The following CD86 variants were observed in gnomAD, a reference collection of about 807,000 sequenced individuals.
CD86 encodes CD86 molecule, also known as T-lymphocyte activation antigen CD86.
A neutral mutation model predicts 32.1 loss-of-function variants in CD86; 11 were observed. The observed-to-expected ratio is 0.34, with a 90% CI of 0.22 to 0.57. The LOEUF (loss-of-function observed/expected upper bound fraction) is 0.57. Among genes scored for constraint, CD86 ranks in the 20% least tolerant of loss-of-function variants. CD86 has a pLI of 0.86. For synonymous variants in CD86, 137 were observed against 135.3 expected (o/e 1.01, Z -0.09); for missense variants, 359 against 398.4 (o/e 0.90, Z 0.84).
At chr3:122,084,634 C>T (rs896944008) in intron 1 of CD86, among the ~76,000 whole-genome samples, 3 of 152,078 alleles carry the variant, frequency 2.0e-5, no homozygotes, top group Non-Finnish European at 2.9e-5. Context: ...AACAGCTATA[C>T]AGTCCTCTCC....
At position 122,091,589 on chromosome 3, in the gene CD86, T is replaced by C. The variant is rs756729117; in HGVS notation, c.15-12T>C. On this transcript the variant is annotated splice_polypyrimidine_tract_variant and intron_variant, in intron 1 of 6. Coordinates refer to ENST00000330540, the MANE Select transcript of CD86 (RefSeq NM_175862.5). The stretch of plus-strand genomic sequence containing the variant: ...TCTAATCAAGTTTTACCTTTTTTTT[T>C]CTCGACTCTAGCACTATGGGACTGA... 1.5e-5 allele frequency: 23 copies of C among 1,519,814 alleles called. 1 individual carries two copies. The African/African-American group carries it at 1.6e-4, about 11-fold the overall frequency. The allele number at this position is 1,519,814 out of a possible 1,614,324, so 94.1% of individuals were successfully genotyped here.
In CD86 at chr3:122,067,060, C is replaced by A. The variant is rs1480715128; in HGVS notation, c.14+11557C>A. 2.6e-5 allele frequency among the ~76,000 whole-genome samples: 4 copies of A among 151,954 alleles called. No homozygotes were observed. In the East Asian group the frequency reaches 5.8e-4, roughly 22 times the overall value. ...AGAAGGCAAAACGTTTTCAAAGGTT[C>A]TAGGGGTGGGGGATGGTGGGGAAGA... On this transcript the variant is annotated intron_variant, in intron 1 of 6. Coordinates refer to ENST00000330540, the MANE Select transcript of CD86 (RefSeq NM_175862.5).
At chr3:122,087,536 G>A (rs577254484) in intron 1 of CD86, among the ~76,000 whole-genome samples, 1 of 152,272 alleles carries the variant, frequency 6.6e-6, no homozygotes, top group South Asian at 2.1e-4. Context: ...CTAGAATGGA[G>A]AGAAATTCTT....
intron 3 of CD86, among the ~76,000 whole-genome samples, chr3:122,105,583 C>T (rs1429833445): frequency 6.6e-6 from 1 of 152,156 alleles, no homozygotes; most frequent in Non-Finnish European, 1.5e-5. Context: ...TTATTAAGAT[C>T]ATGTATTTTT....
At chr3:122,081,437 G>A (rs746886604) in intron 1 of CD86, among the ~76,000 whole-genome samples, 6 of 152,152 alleles carry the variant, frequency 3.9e-5, no homozygotes, top group East Asian at 1.9e-4. Context: ...TGGTTCTTTC[G>A]GAAGCATCAG....
intron 1 of CD86, among the ~76,000 whole-genome samples, chr3:122,056,438 G>C (rs1291644105): frequency 6.6e-6 from 1 of 152,154 alleles, no homozygotes; most frequent in African/African-American, 2.4e-5. Flanking sequence ...GGATTCAAAC[G>C]ATTCTCCTTC....
chr3:122,067,070 G>T (rs1261140540), intron 1 of CD86, among the ~76,000 whole-genome samples: 1 of 152,116 alleles, frequency 6.6e-6, no homozygotes, highest in Non-Finnish European at 1.5e-5. Flanking sequence ...CTAGGGGTGG[G>T]GGATGGTGGG....
At chr3:122,089,929 T>G (rs1240419693) in intron 1 of CD86, among the ~76,000 whole-genome samples, 2 of 152,212 alleles carry the variant, frequency 1.3e-5, no homozygotes, top group Admixed American at 1.3e-4. Flanking sequence ...AAACCGTACA[T>G]AGTATGCTAC....
intron 1 of CD86, among the ~76,000 whole-genome samples, chr3:122,066,279 C>T (rs1443710469): frequency 1.3e-5 from 2 of 152,086 alleles, no homozygotes; most frequent in Non-Finnish European, 2.9e-5. Flanking sequence ...TTTCCACATT[C>T]TGAGGGTAAG....
chr3:122,106,531 A>G (rs375075523), intron 4 of CD86, 31 bp downstream of exon 4: 9 of 1,551,260 alleles, frequency 5.8e-6, no homozygotes, highest in Non-Finnish European at 7.0e-6. Flanking sequence ...TATTTCTTTC[A>G]GCAGGTATTA....
chr3:122,078,107 T>C (rs1292728978), intron 1 of CD86: 8 of 956,964 alleles, frequency 8.4e-6, no homozygotes, highest in Non-Finnish European at 9.9e-6. Context: ...AAGCTGCATC[T>C]GGGGCAGAAA....
At position 122,119,683 on chromosome 3, in the gene CD86, T is replaced by A; in HGVS notation, c.*149T>A. 1 of 607,560 alleles carries A rather than the reference T, an allele frequency of 1.6e-6. No homozygotes were observed. The highest frequency in any genetic ancestry group is 2.9e-6 in the Non-Finnish European group (1 of 339,202). The allele number at this position is 607,560 out of a possible 1,614,324, so 37.6% of individuals were successfully genotyped here. A position where few individuals can be genotyped will look rare whatever the true frequency, so the allele number is the denominator to read the frequency against. ...AGGACTCCCTCTAAGTGGAATAGCC[T>A]CCCTGTAACTCCAGCTCTGCTCCGT... On this transcript the variant is annotated 3_prime_UTR_variant, in exon 7 of 7. Transcript: ENST00000330540.
intron 1 of CD86, among the ~76,000 whole-genome samples, chr3:122,084,061 A>G (rs1441298300): frequency 2.0e-5 from 3 of 152,148 alleles, no homozygotes; most frequent in Admixed American, 6.5e-5. Flanking sequence ...ATCTCTGCTC[A>G]TCGCAAGCTC....
intron 5 of CD86, among the ~76,000 whole-genome samples, chr3:122,114,111 T>C (rs1021309523): frequency 2.0e-5 from 3 of 151,642 alleles, no homozygotes; most frequent in African/African-American, 7.3e-5. Context: ...ATTAGCTGGG[T>C]GTGGTGGCAG....
At chr3:122,119,401 G>A (rs772111640) in intron 6 of CD86, 37 bp from the exon 7 acceptor site, 10 of 1,253,576 alleles carry the variant, frequency 8.0e-6, no homozygotes, top group Admixed American at 1.7e-5. Flanking sequence ...TAGCTCAAAT[G>A]TGAAATATCA....
intron 1 of CD86, among the ~76,000 whole-genome samples, chr3:122,058,448 T>C (rs1280924344): frequency 2.0e-5 from 3 of 152,080 alleles, no homozygotes; most frequent in Admixed American, 6.5e-5. Flanking sequence ...AAAGAGCTAG[T>C]GCAAGAGAGA....
intron 1 of CD86, among the ~76,000 whole-genome samples, chr3:122,084,301 A>C (rs6805035): frequency 0.12 from 18,316 of 152,140 alleles, 1,176 homozygotes; most frequent in Non-Finnish European, 0.14. Context: ...TTATATTCTT[A>C]CTGGACAGTG....
At chr3:122,061,596 C>A (rs942306111) in intron 1 of CD86, among the ~76,000 whole-genome samples, 2 of 152,112 alleles carry the variant, frequency 1.3e-5, no homozygotes, top group Non-Finnish European at 2.9e-5. Context: ...TGGTGAACAA[C>A]CATATAAGAG....
intron 5 of CD86, among the ~76,000 whole-genome samples, chr3:122,116,840 C>A (rs1354646416): frequency 6.6e-6 from 1 of 151,974 alleles, no homozygotes. Flanking sequence ...TGAGAAAAAG[C>A]AAAACTATTT....
Sources: allele counts gnomAD v4.1 joint callset (sites outside exome capture counted in the v4.1 genomes callset), GRCh38; gene constraint gnomAD v4.1.1; transcripts MANE v1.5; gene names NCBI Gene and HGNC (gene_info 2026-07-23, HGNC 2026-07-21).